Variants in CLUL1 observed in about 807,000 individuals in gnomAD.
CLUL1 encodes clusterin like 1.
A neutral mutation model predicts 49.4 loss-of-function variants in CLUL1; 43 were observed. The ratio of observed to expected loss-of-function variants is 0.87; its 90% confidence interval spans 0.68 to 1.12. The LOEUF (loss-of-function observed/expected upper bound fraction) is 1.12, where lower values mean the gene tolerates loss of function less well. CLUL1 is among the 50% of genes most tolerant of loss of function. CLUL1 has a pLI of 0.00. For synonymous variants in CLUL1, 192 were observed against 184.9 expected (o/e 1.04, Z -0.31); for missense variants, 486 against 544.4 (o/e 0.89, Z 1.07).
chr18:630,806 C>A (rs577691463), intron 6 of CLUL1, among the ~76,000 whole-genome samples: 2 of 150,096 alleles, frequency 1.3e-5, no homozygotes, highest in African/African-American at 4.9e-5. Flanking sequence ...CCTGCCTCAG[C>A]CACCTGAGTA....
chr18:627,882 G>A (rs1475890160), intron 6 of CLUL1, among the ~76,000 whole-genome samples: 1 of 152,064 alleles, frequency 6.6e-6, no homozygotes, highest in Non-Finnish European at 1.5e-5. Context: ...GGAGTACAGT[G>A]GTGTGATCTT....
At chr18:598,329 A>G (rs1216546396) in intron 1 of CLUL1, 1 of 385,970 alleles carries the variant, frequency 2.6e-6, no homozygotes, top group African/African-American at 2.1e-5. Context: ...GAAAGTCACG[A>G]TGATCTGTTT....
In CLUL1 at chr18:645,077, T is replaced by A. The variant is rs1370336483; in HGVS notation, c.1377T>A (p.Phe459Leu). Residue 459 changes from phenylalanine (F) to leucine (L), a missense_variant, in exon 9 of 10, where the codon TTT becomes TTA. Phe to Leu is a conservative substitution (Grantham distance 22). Transcript: ENST00000692774. ...TAGTGGCAAAAGCTCTACAGCATTT[T>A]AAGGAACATTTTAAAACCTGGTAAG... ...GYVVAKALQHFKEHFKTW is the reference protein window; with the variant it reads ...GYVVAKALQHLKEHFKTW The A allele has an allele frequency of 1.2e-6, 2 of 1,604,856 alleles. No individual in the cohort carries two copies. The highest frequency in any genetic ancestry group is 3.4e-5 in the Admixed American group (2 of 58,346).
intron 9 of CLUL1, among the ~76,000 whole-genome samples, chr18:645,809 AAATAT>A (rs1285142386): frequency 1.6e-4 from 11 of 70,458 alleles, no homozygotes; most frequent in Non-Finnish European, 2.6e-4. Flanking sequence ...AAAAAAAAAA[AAATAT>A]ATATATATAT....
At chr18:628,769 T>C (rs2073893188) in intron 6 of CLUL1, among the ~76,000 whole-genome samples, 1 of 151,714 alleles carries the variant, frequency 6.6e-6, no homozygotes, top group Non-Finnish European at 1.5e-5. Context: ...GTAGTGGGGA[T>C]TACAGGTGCC....
At chr18:638,860 G>GA (rs543461487) in intron 7 of CLUL1, among the ~76,000 whole-genome samples, 37 of 143,034 alleles carry the variant, frequency 2.6e-4, no homozygotes, top group Admixed American at 6.3e-4. Flanking sequence ...TTTGTCTCAG[G>GA]AAAAAAAAAA....
At chr18:610,211 A>AT (rs1240602182) in intron 2 of CLUL1, among the ~76,000 whole-genome samples, 5 of 151,964 alleles carry the variant, frequency 3.3e-5, no homozygotes, top group South Asian at 4.1e-4. Flanking sequence ...TTAATTATGT[A>AT]TGATTTTGCT....
intron 1 of CLUL1, among the ~76,000 whole-genome samples, chr18:603,515 G>C (rs756246553): frequency 6.6e-6 from 1 of 152,138 alleles, no homozygotes; most frequent in African/African-American, 2.4e-5. Flanking sequence ...AAAGAAATGC[G>C]TAGGGAAGAA....
intron 7 of CLUL1, among the ~76,000 whole-genome samples, chr18:635,785 G>A (rs1240889301): frequency 6.6e-6 from 1 of 152,170 alleles, no homozygotes; most frequent in Non-Finnish European, 1.5e-5. Context: ...CGCCCAGGCT[G>A]GAGTGCAGTG....
In CLUL1 at chr18:604,576, C is replaced by T. The variant is rs560135870; in HGVS notation, c.-135-2402C>T. On this transcript the variant is annotated intron_variant, in intron 1 of 9. Transcript: ENST00000692774. ...ATACATACACACACTTTATTAATAA[C>T]CAAATAGTATCCTTTTCAAATGAAA... 2.0e-5 allele frequency among the ~76,000 whole-genome samples: 3 copies of T among 152,162 alleles called. No homozygotes were observed. The East Asian group carries it at 5.8e-4, about 29-fold the overall frequency.
At position 641,367 on chromosome 18, in the gene CLUL1, G is replaced by A. The variant is rs374945525; in HGVS notation, c.1035G>A (p.Glu345=). The A allele has an allele frequency of 1.2e-6, 2 of 1,614,158 alleles. No homozygotes were observed. Among genetic ancestry groups the A allele is most frequent in the Admixed American group, 1.7e-5 (1 of 60,012 alleles). Residue 345 remains glutamate, a synonymous_variant, in exon 8 of 10, where the codon GAG becomes GAA. Coordinates refer to ENST00000692774, the MANE Select transcript of CLUL1 (RefSeq NM_001393344.1). ...CTGCTCTGCACACAGAATTAGACGA[G>A]GCGATCAGGTTGGTCAATGTATCCA... ...DVPALHTELD[E]AIRLVNVSNQ... is the part of the protein sequence containing the mutation.
At chr18:624,791 C>T (rs1489984773) in intron 4 of CLUL1, 74 bp from the exon 5 acceptor site, 7 of 1,443,464 alleles carry the variant, frequency 4.8e-6, no homozygotes, top group South Asian at 1.2e-5. Flanking sequence ...GTATACATTT[C>T]AAAGGGTGAA....
chr18:610,839 C>A (rs991732148), intron 2 of CLUL1, among the ~76,000 whole-genome samples: 2 of 152,064 alleles, frequency 1.3e-5, no homozygotes, highest in African/African-American at 4.8e-5. Context: ...GAGTTCGAGA[C>A]CAGCCTGGGA....
chr18:639,933 A>G (rs2074292782), intron 7 of CLUL1, among the ~76,000 whole-genome samples: 1 of 152,214 alleles, frequency 6.6e-6, no homozygotes, highest in Non-Finnish European at 1.5e-5. Context: ...CAGAGACAGA[A>G]TGCTGAAAGG....
rs2073666803 is a variant in CLUL1, at chr18:625,713, A to AT, written c.423+686dup. On this transcript the variant is annotated intron_variant, in intron 5 of 9. Coordinates refer to ENST00000692774, the MANE Select transcript of CLUL1 (RefSeq NM_001393344.1). Reference sequence around the variant, plus strand: ...CCACTAACGGCTCCAATTAAGCTAGATTTTTCTCCCCCTTCAAGAAGTGAG... The same window carrying AT: ...CCACTAACGGCTCCAATTAAGCTAGATTTTTTCTCCCCCTTCAAGAAGTGAG... Among the ~76,000 whole-genome samples, 4 of 152,078 alleles carry AT rather than the reference A, an allele frequency of 2.6e-5. 1 individual carries two copies. The South Asian group carries it at 8.3e-4, about 32-fold the overall frequency.
chr18:641,012 G>A (rs575086685), intron 7 of CLUL1, among the ~76,000 whole-genome samples: 103 of 152,230 alleles, frequency 6.8e-4, no homozygotes, highest in Non-Finnish European at 1.1e-3. Flanking sequence ...TGTAGAAGGG[G>A]CATAGTAGGG....
intron 7 of CLUL1, among the ~76,000 whole-genome samples, chr18:640,334 C>T (rs967924258): frequency 2.6e-5 from 4 of 151,578 alleles, no homozygotes; most frequent in Non-Finnish European, 4.4e-5. Context: ...CACTTGAGCC[C>T]AGGAGTTCGA....
intron 5 of CLUL1, among the ~76,000 whole-genome samples, chr18:626,879 G>GA (rs373138489): frequency 0.01 from 2 of 194 alleles, no homozygotes; most frequent in Non-Finnish European, 0.071. Flanking sequence ...AAGAAAGAAA[G>GA]AAAGAAAGAA....
Position 618,448 on chromosome 18 carries a change from A to G in CLUL1, c.106+342A>G, listed in dbSNP as rs1008896389. ...CTTTTCTAGCATTTGAAAAATTTAA[A>G]CCATTAGAGTAATCTGTGCAATTGT... On this transcript the variant is annotated intron_variant, in intron 3 of 9. Transcript: ENST00000692774. This position sits in a 1 kb window ranked among gnomAD's most constrained non-coding sequence, Gnocchi z 4.2. Among the ~76,000 whole-genome samples the G allele has an allele frequency of 4.6e-5, 7 of 152,190 alleles. No individual in the cohort carries two copies. Among genetic ancestry groups the G allele is most frequent in the Admixed American group, 1.3e-4 (2 of 15,280 alleles).
Sources: gnomAD v4.1 joint callset for allele counts (sites outside exome capture counted in the v4.1 genomes callset) on GRCh38, gnomAD v4.1.1 for gene constraint, Gnocchi (gnomAD v3.1) non-coding constraint, MANE v1.5 for transcripts, NCBI Gene and HGNC (gene_info 2026-07-23, HGNC 2026-07-21) for gene names.